Variants in PTPRM observed in about 807,000 individuals in gnomAD.
PTPRM encodes receptor-type tyrosine-protein phosphatase mu.
Under a neutral mutation model 186.7 loss-of-function variants are expected in PTPRM, and 47 were observed. The ratio of observed to expected loss-of-function variants is 0.25; its 90% CI spans 0.20 to 0.32. PTPRM has a LOEUF of 0.32. PTPRM is among the 10% of genes least tolerant of loss of function. The pLI is 1.00. For missense variants in PTPRM, 1,494 were observed against 1,865.0 expected (o/e 0.80, Z 3.66); for synonymous variants, 668 against 674.9 (o/e 0.99, Z 0.16).
chr18:7,986,263 C>G (rs1166185488), intron 7 of PTPRM, among the ~76,000 whole-genome samples: 1 of 152,112 alleles, frequency 6.6e-6, no homozygotes, highest in African/African-American at 2.4e-5. Flanking sequence ...AAATTAAAGC[C>G]TTTTACAGGG....
At chr18:8,298,379 C>T (rs964639617) in intron 20 of PTPRM, among the ~76,000 whole-genome samples, 16 of 152,182 alleles carry the variant, frequency 1.1e-4, no homozygotes, top group African/African-American at 3.9e-4. Context: ...CCTATAACCT[C>T]ATCATTGTGG....
chr18:8,194,683 G>C (rs1312738646), intron 14 of PTPRM, among the ~76,000 whole-genome samples: 1 of 152,188 alleles, frequency 6.6e-6, no homozygotes, highest in Non-Finnish European at 1.5e-5. Context: ...GCACAGCCGT[G>C]GCTGTATTCA....
intron 13 of PTPRM, among the ~76,000 whole-genome samples, chr18:8,141,278 A>T (rs914846567): frequency 1.3e-5 from 2 of 151,850 alleles, no homozygotes; most frequent in Non-Finnish European, 2.9e-5. Flanking sequence ...CCGGATGGCC[A>T]CTCCCAGGCA....
At position 8,088,920 on chromosome 18, in the gene PTPRM, T is replaced by G. The variant is rs542936943; in HGVS notation, c.1856+69T>G. ...AAATCAAGTTGATTAATTCCTCCAA[T>G]GTGTTTTCTAGGGATTTGCTGCAAA... On this transcript the variant is annotated intron_variant, in intron 11 of 32. Coordinates refer to ENST00000580170, the MANE Select transcript of PTPRM (RefSeq NM_001105244.2). 3 of 1,217,890 alleles carry G rather than the reference T, an allele frequency of 2.5e-6. No homozygotes were observed. The South Asian group carries it at 3.7e-5, about 15-fold the overall frequency. 75.4% of individuals were successfully genotyped at this position (1,217,890 alleles called of 1,614,324 possible). A position where few individuals can be genotyped will look rare whatever the true frequency, so the allele number is the denominator to read the frequency against.
intron 1 of PTPRM, among the ~76,000 whole-genome samples, chr18:7,583,946 A>T (rs1197630330): frequency 6.6e-6 from 1 of 152,140 alleles, no homozygotes; most frequent in African/African-American, 2.4e-5. Flanking sequence ...CTTTAGAACA[A>T]ATTTCATTGC....
intron 13 of PTPRM, among the ~76,000 whole-genome samples, chr18:8,129,589 G>A (rs57200436): frequency 0.025 from 3,749 of 152,282 alleles, 136 homozygotes; most frequent in African/African-American, 0.086. Context: ...TGTGATTAAC[G>A]TTGTGGTTGA....
rs181927108 is a variant in PTPRM at position 7,858,767 on chromosome 18, A to T, written c.197-29339A>T. Among the ~76,000 whole-genome samples, 214 of 152,356 alleles carry T rather than the reference A, an allele frequency of 1.4e-3. 1 individual carries two copies. Among genetic ancestry groups the T allele is most frequent in the African/African-American group, 4.8e-3 (201 of 41,594 alleles). ...GACTCACACTATCCTTGTAGGCTAT[A>T]TCCTTGTTCCATCTACTAAATAATG... is the stretch of plus-strand genomic sequence containing the variant. On this transcript the variant is annotated intron_variant, in intron 2 of 32. Coordinates refer to ENST00000580170, the MANE Select transcript of PTPRM (RefSeq NM_001105244.2).
intron 4 of PTPRM, among the ~76,000 whole-genome samples, chr18:7,918,628 G>A (rs771801505): frequency 8.5e-5 from 13 of 152,112 alleles, no homozygotes; most frequent in Non-Finnish European, 1.5e-4. Context: ...CTACTTGAAT[G>A]TCCAGTTTTA....
At chr18:8,128,585 T>C (rs887973824) in intron 13 of PTPRM, among the ~76,000 whole-genome samples, 1 of 152,172 alleles carries the variant, frequency 6.6e-6, no homozygotes, top group Non-Finnish European at 1.5e-5. Flanking sequence ...CTTTTATGTG[T>C]TATATTTGTC....
intron 14 of PTPRM, among the ~76,000 whole-genome samples, chr18:8,233,603 A>G (rs537263552): frequency 6.6e-6 from 1 of 152,064 alleles, no homozygotes; most frequent in Non-Finnish European, 1.5e-5. Flanking sequence ...CTCCAAGTTT[A>G]TGGCTTCTTT....
rs140181224 is a variant in PTPRM, at chr18:7,713,550, G to A, written c.74-60599G>A. Among the ~76,000 whole-genome samples, 475 of 152,186 alleles carry A rather than the reference G, an allele frequency of 3.1e-3. 3 individuals are homozygous for A. The highest frequency in any genetic ancestry group is 0.011 in the African/African-American group (444 of 41,512). ...AACCTTAAATGTAAACAGGTTAAAT[G>A]CCCCAATTAAAAGACACAGGCTGAC... On this transcript the variant is annotated intron_variant, in intron 1 of 32. Coordinates refer to ENST00000580170, the MANE Select transcript of PTPRM (RefSeq NM_001105244.2).
At chr18:8,365,962 T>C (rs1047281305) in intron 23 of PTPRM, 4 of 152,342 alleles carry the variant, frequency 2.6e-5, no homozygotes, top group East Asian at 1.9e-4. Context: ...GGTTCCCAAA[T>C]GTATCTACAC....
chr18:8,322,147 T>C (rs1486707262), intron 22 of PTPRM, among the ~76,000 whole-genome samples: 1 of 152,168 alleles, frequency 6.6e-6, no homozygotes, highest in African/African-American at 2.4e-5. Context: ...CCTATGAAAC[T>C]ATACAAATGG....
intron 1 of PTPRM, among the ~76,000 whole-genome samples, chr18:7,637,093 A>C (rs2038331754): frequency 1.3e-5 from 2 of 148,782 alleles, no homozygotes; most frequent in South Asian, 4.4e-4. Context: ...ACTTGAACCC[A>C]GGAGGTGGAG....
At chr18:8,106,405 G>A (rs904039420) in intron 11 of PTPRM, among the ~76,000 whole-genome samples, 1 of 152,148 alleles carries the variant, frequency 6.6e-6, no homozygotes, top group Non-Finnish European at 1.5e-5. Context: ...GTTTTAGGGT[G>A]AGAACATTTG....
At chr18:7,678,106 A>C (rs1038355843) in intron 1 of PTPRM, among the ~76,000 whole-genome samples, 1 of 152,116 alleles carries the variant, frequency 6.6e-6, no homozygotes, top group African/African-American at 2.4e-5. Context: ...CTTGACACTT[A>C]GAGCACCTAA....
intron 19 of PTPRM, among the ~76,000 whole-genome samples, chr18:8,275,762 A>G (rs1254294615): frequency 6.6e-6 from 1 of 152,182 alleles, no homozygotes; most frequent in Non-Finnish European, 1.5e-5. Flanking sequence ...AGATATTTTC[A>G]CTGTGTTCTA....
At position 8,379,234 on chromosome 18, in the gene PTPRM, A is replaced by G. The variant is rs748718632; in HGVS notation, c.3680A>G (p.His1227Arg). 6.2e-6 allele frequency: 10 copies of G among 1,613,970 alleles called. No individual in the cohort carries two copies. The East Asian group carries it at 8.9e-5, about 14-fold the overall frequency. Residue 1227 changes from histidine to arginine, a missense_variant, in exon 28 of 33, where the codon CAT becomes CGT. This residue lies in a region of PTPRM where 1,107 missense variants were observed against 1,350.2 expected (regional missense o/e 0.82). Transcript: ENST00000580170. Reference sequence around the variant, plus strand: ...AGCATCGCACTGTTGCCCCGGAACCATGAGAAAAACCGGTGCATGGACATC... The same window carrying G: ...AGCATCGCACTGTTGCCCCGGAACCGTGAGAAAAACCGGTGCATGGACATC... Reference protein sequence around the residue: ...DCSIALLPRNHEKNRCMDILP... With the variant: ...DCSIALLPRNREKNRCMDILP...
intron 14 of PTPRM, among the ~76,000 whole-genome samples, chr18:8,221,553 G>C (rs1473401062): frequency 6.6e-6 from 1 of 152,158 alleles, no homozygotes; most frequent in Non-Finnish European, 1.5e-5. Context: ...TTTATAGATA[G>C]AAAAACGAAA....
Sources: allele counts gnomAD v4.1 joint callset (sites outside exome capture counted in the v4.1 genomes callset), GRCh38; gene constraint gnomAD v4.1.1; regional missense constraint gnomAD v4.1.1; transcripts MANE v1.5; gene names NCBI Gene and HGNC (gene_info 2026-07-23, HGNC 2026-07-21).